Variants in EXOC6B observed in about 807,000 individuals in gnomAD.
EXOC6B encodes the protein exocyst complex component 6B.
Under a neutral mutation model 113.5 loss-of-function variants are expected in EXOC6B, and 54 were observed. The observed-to-expected ratio is 0.48, with a 90% confidence interval of 0.38 to 0.60. EXOC6B has a LOEUF of 0.60. Among genes scored for constraint, EXOC6B ranks in the 20% least tolerant of loss-of-function variants. The pLI, the probability that EXOC6B is intolerant of heterozygous loss-of-function variation, is 0.00. For missense variants in EXOC6B, 797 were observed against 977.5 expected, an observed-to-expected ratio of 0.82 and a Z score of 2.46; for synonymous variants, 357 against 339.0, an observed-to-expected ratio of 1.05 and a Z score of -0.58.
At chr2:72,645,942 A>T (rs1376104213) in intron 6 of EXOC6B, among the ~76,000 whole-genome samples, 1 of 152,230 alleles carries the variant, frequency 6.6e-6, no homozygotes, top group African/African-American at 2.4e-5. Flanking sequence ...AACTAAGATC[A>T]GAGCAGAACT....
intron 6 of EXOC6B, among the ~76,000 whole-genome samples, chr2:72,581,668 G>A (rs868478158): frequency 3.5e-4 from 53 of 152,304 alleles, no homozygotes; most frequent in Middle Eastern, 3.4e-3. Context: ...AGTTTGGGTT[G>A]CCTCCACCTC....
chr2:72,314,738 T>C (rs547500174), intron 20 of EXOC6B, among the ~76,000 whole-genome samples: 142 of 152,308 alleles, frequency 9.3e-4, no homozygotes, highest in African/African-American at 3.3e-3. Context: ...ATTCCTACTT[T>C]TAATGGTACG....
At chr2:72,678,844 G>T (rs536731528) in intron 6 of EXOC6B, among the ~76,000 whole-genome samples, 1 of 152,232 alleles carries the variant, frequency 6.6e-6, no homozygotes, top group South Asian at 2.1e-4. Context: ...TTCTCAATAC[G>T]TGCACCTAAT....
chr2:72,348,079 T>C (rs1689437100), intron 19 of EXOC6B, among the ~76,000 whole-genome samples: 1 of 152,160 alleles, frequency 6.6e-6, no homozygotes, highest in Non-Finnish European at 1.5e-5. Context: ...GGATGGGAAC[T>C]CCAAGATCAA....
chr2:72,182,753 A>C (rs988116449), intron 21 of EXOC6B: 1 of 504,218 alleles, frequency 2.0e-6, no homozygotes. Context: ...AGTTGGCACC[A>C]GGCTGGTTTA....
chr2:72,205,120 G>A (rs573971452), intron 20 of EXOC6B, among the ~76,000 whole-genome samples: 1 of 152,292 alleles, frequency 6.6e-6, no homozygotes, highest in African/African-American at 2.4e-5. Context: ...ATGGAAGAGA[G>A]AGGGCATGAG....
At chr2:72,222,329 C>T (rs1445697378) in intron 20 of EXOC6B, among the ~76,000 whole-genome samples, 1 of 152,122 alleles carries the variant, frequency 6.6e-6, no homozygotes, top group Non-Finnish European at 1.5e-5. Context: ...AGGCTTTCTA[C>T]AGGAAAGGTG....
intron 6 of EXOC6B, among the ~76,000 whole-genome samples, chr2:72,643,533 T>C (rs1392659771): frequency 2.2e-4 from 33 of 147,418 alleles, no homozygotes; most frequent in African/African-American, 7.6e-4. Flanking sequence ...AAACACCGCA[T>C]ATTCTCACTC....
chr2:72,598,555 G>A (rs899297813), intron 6 of EXOC6B, among the ~76,000 whole-genome samples: 1 of 151,890 alleles, frequency 6.6e-6, no homozygotes, highest in Non-Finnish European at 1.5e-5. Flanking sequence ...ATTGGAGTAG[G>A]AAACGATGAA....
intron 6 of EXOC6B, among the ~76,000 whole-genome samples, chr2:72,641,434 C>T (rs1673226884): frequency 6.6e-6 from 1 of 152,260 alleles, no homozygotes; most frequent in South Asian, 2.1e-4. Flanking sequence ...TTGGTGGGTC[C>T]CCCACCCACG....
intron 20 of EXOC6B, among the ~76,000 whole-genome samples, chr2:72,189,860 CTTTTTTTTTT>C (rs57679690): frequency 1.1e-5 from 1 of 87,252 alleles, no homozygotes; most frequent in East Asian, 2.6e-4. Context: ...CCTTCTTCTT[CTTTTTTTTTT>C]TTTTTTTTTT....
chr2:72,366,641 C>T (rs1468468861), intron 19 of EXOC6B, among the ~76,000 whole-genome samples: 1 of 151,814 alleles, frequency 6.6e-6, no homozygotes, highest in Non-Finnish European at 1.5e-5. Context: ...AAGACACAGC[C>T]TAATGAAATT....
intron 6 of EXOC6B, among the ~76,000 whole-genome samples, chr2:72,690,162 A>G (rs1247091363): frequency 6.6e-6 from 1 of 152,242 alleles, no homozygotes; most frequent in East Asian, 1.9e-4. Context: ...CAGATGTTTC[A>G]TATCATCAGT....
At chr2:72,298,939 G>A (rs1049063698) in intron 20 of EXOC6B, among the ~76,000 whole-genome samples, 1 of 152,066 alleles carries the variant, frequency 6.6e-6, no homozygotes, top group Admixed American at 6.5e-5. Context: ...TTTCAACCTT[G>A]GTGAATCTGA....
At chr2:72,756,403 A>G (rs1682414802) in intron 1 of EXOC6B, among the ~76,000 whole-genome samples, 2 of 152,194 alleles carry the variant, frequency 1.3e-5, no homozygotes, top group Admixed American at 1.3e-4. Context: ...GTTCTGAAAA[A>G]AGTTGTGATA....
intron 18 of EXOC6B, chr2:72,464,948 G>C (rs1697945449): frequency 1.7e-6 from 1 of 575,022 alleles, no homozygotes; most frequent in African/African-American, 1.9e-5. Context: ...ATAATACCAG[G>C]AACCATTTTC....
intron 8 of EXOC6B, among the ~76,000 whole-genome samples, chr2:72,519,939 C>G (rs930245793): frequency 6.6e-6 from 1 of 152,128 alleles, no homozygotes; most frequent in Admixed American, 6.5e-5. Flanking sequence ...AGGACATGGG[C>G]CATGAGGAAA....
At chr2:72,319,185 G>GC (rs1330748814) in intron 20 of EXOC6B, among the ~76,000 whole-genome samples, 3 of 151,628 alleles carry the variant, frequency 2.0e-5, no homozygotes, top group Non-Finnish European at 1.5e-5. Flanking sequence ...ATTAAATGAT[G>GC]GTCTGTAAAA....
intron 6 of EXOC6B, among the ~76,000 whole-genome samples, chr2:72,710,347 G>A (rs960484514): frequency 6.6e-6 from 1 of 151,994 alleles, no homozygotes; most frequent in Admixed American, 6.6e-5. Flanking sequence ...ATATATGTGT[G>A]CTTTTTCACT....
Sources: gnomAD v4.1 joint callset for allele counts (sites outside exome capture counted in the v4.1 genomes callset) on GRCh38, gnomAD v4.1.1 for gene constraint, MANE v1.5 for transcripts, NCBI Gene and HGNC (gene_info 2026-07-23, HGNC 2026-07-21) for gene names.